ARHGAP15: variants seen among roughly 807,000 people sequenced by gnomAD.
ARHGAP15 encodes the protein rho GTPase-activating protein 15.
A neutral mutation model predicts 63.7 loss-of-function variants in ARHGAP15; 51 were observed. That is an observed-to-expected ratio of 0.80 (90% CI 0.64 to 1.01). The LOEUF (loss-of-function observed/expected upper bound fraction) is 1.01, where lower values mean the gene tolerates loss of function less well. ARHGAP15 is among the 50% of genes least tolerant of loss of function. The pLI is 0.00. For missense variants in ARHGAP15, 560 were observed against 564.6 expected (o/e 0.99, Z 0.08); for synonymous variants, 191 against 193.8 (o/e 0.99, Z 0.12).
chr2:143,673,220 A>G lies in ARHGAP15; in HGVS notation c.1139-30199A>G, dbSNP rs1574819006. On this transcript the variant is annotated intron_variant, in intron 12 of 13. Transcript: ENST00000295095. ...AAGGTAATATTCAATTCTATATAGC[A>G]TCTAGAAAACAAACAGAGTGTAGAC... 2.0e-5 allele frequency among the ~76,000 whole-genome samples: 3 copies of G among 152,336 alleles called. No individual in the cohort carries two copies. The Middle Eastern group carries it at 0.01, about 518-fold the overall frequency.
chr2:143,602,428 T>A (rs983004296), intron 11 of ARHGAP15, among the ~76,000 whole-genome samples: 1 of 152,154 alleles, frequency 6.6e-6, no homozygotes, highest in East Asian at 1.9e-4. Flanking sequence ...AAAGGATGGC[T>A]CCCTGGGAAA....
intron 6 of ARHGAP15, among the ~76,000 whole-genome samples, chr2:143,432,978 T>G (rs146208279): frequency 6.6e-6 from 1 of 152,012 alleles, no homozygotes; most frequent in Non-Finnish European, 1.5e-5. Context: ...ATAGAAAGAG[T>G]ACATTAGCAC....
intron 6 of ARHGAP15, among the ~76,000 whole-genome samples, chr2:143,393,916 T>C (rs1328281477): frequency 6.6e-6 from 1 of 152,082 alleles, no homozygotes; most frequent in African/African-American, 2.4e-5. Context: ...GCAATACTTC[T>C]CAGTAAACAT....
chr2:143,238,839 T>C (rs777473440), intron 5 of ARHGAP15, among the ~76,000 whole-genome samples: 2 of 152,172 alleles, frequency 1.3e-5, no homozygotes, highest in South Asian at 2.1e-4. Flanking sequence ...GTGGTACATA[T>C]AGACCATGGA....
At chr2:143,570,006 T>C (rs549342358) in intron 11 of ARHGAP15, among the ~76,000 whole-genome samples, 1 of 152,264 alleles carries the variant, frequency 6.6e-6, no homozygotes, top group East Asian at 1.9e-4. Context: ...GCCCAAGTCA[T>C]TTAACCTCCC....
intron 6 of ARHGAP15, among the ~76,000 whole-genome samples, chr2:143,309,488 A>G (rs929223694): frequency 3.9e-5 from 6 of 152,106 alleles, no homozygotes; most frequent in Non-Finnish European, 8.8e-5. Context: ...ACTGATGTCA[A>G]TGCCCACAAC....
At chr2:143,327,850 C>T (rs1214350417) in intron 6 of ARHGAP15, among the ~76,000 whole-genome samples, 2 of 151,876 alleles carry the variant, frequency 1.3e-5, no homozygotes, top group African/African-American at 4.8e-5. Context: ...TGCAATCTAT[C>T]CATCTGACAA....
At chr2:143,379,170 T>C (rs572553000) in intron 6 of ARHGAP15, among the ~76,000 whole-genome samples, 2 of 152,018 alleles carry the variant, frequency 1.3e-5, no homozygotes, top group African/African-American at 4.8e-5. Flanking sequence ...ATGCCTTCCA[T>C]GTACATGACT....
intron 6 of ARHGAP15, among the ~76,000 whole-genome samples, chr2:143,288,818 C>T (rs887248768): frequency 1.3e-5 from 2 of 151,942 alleles, no homozygotes; most frequent in Admixed American, 1.3e-4. Context: ...ATACATATTT[C>T]ACCCAGTAGC....
chr2:143,624,217 C>G lies in ARHGAP15; in HGVS notation c.1088C>G (p.Pro363Arg). 6.2e-7 allele frequency: 1 copy of G among 1,613,342 alleles called. No homozygotes were observed. The highest frequency in any genetic ancestry group is 8.5e-7 in the Non-Finnish European group (1 of 1,179,630). The stretch of plus-strand genomic sequence containing the variant: ...CTGAAGATGTTTTTCCGGGAGCTGC[C>G]TGAGCCGCTCTTCCCTTACAGTTTC... The part of the protein sequence containing the change: ...GALKMFFREL[P>R]EPLFPYSFFE... Residue 363 changes from proline to arginine, a missense_variant, in exon 12 of 14, where the codon CCT becomes CGT. Coordinates refer to ENST00000295095, the MANE Select transcript of ARHGAP15 (RefSeq NM_018460.4).
chr2:143,193,267 C>T (rs1196960965), intron 2 of ARHGAP15: 1 of 152,686 alleles, frequency 6.5e-6, no homozygotes, highest in Admixed American at 6.5e-5. Flanking sequence ...ATCCAGCCAA[C>T]TTGTGAGTGG....
intron 6 of ARHGAP15, among the ~76,000 whole-genome samples, chr2:143,367,748 G>A (rs2105349757): frequency 6.6e-6 from 1 of 151,810 alleles, no homozygotes; most frequent in African/African-American, 2.4e-5. Flanking sequence ...GTTATTAGGA[G>A]GGTTTATAAA....
chr2:143,133,697 C>T (rs2104978768), intron 1 of ARHGAP15, among the ~76,000 whole-genome samples: 1 of 152,110 alleles, frequency 6.6e-6, no homozygotes, highest in South Asian at 2.1e-4. Flanking sequence ...GGTTCAAAAT[C>T]AATATAAAAC....
intron 12 of ARHGAP15, among the ~76,000 whole-genome samples, chr2:143,689,314 C>A (rs1683488768): frequency 6.6e-6 from 1 of 152,084 alleles, no homozygotes; most frequent in Non-Finnish European, 1.5e-5. Context: ...CTTCCCTGTC[C>A]TCTCCTATGG....
intron 1 of ARHGAP15, among the ~76,000 whole-genome samples, chr2:143,154,190 T>C (rs1689989581): frequency 6.6e-6 from 1 of 151,866 alleles, no homozygotes; most frequent in African/African-American, 2.4e-5. Flanking sequence ...GGCTATTTTA[T>C]AGGAGTTTTT....
intron 6 of ARHGAP15, among the ~76,000 whole-genome samples, chr2:143,276,117 G>A (rs1362495727): frequency 6.6e-6 from 1 of 152,234 alleles, no homozygotes; most frequent in Non-Finnish European, 1.5e-5. Flanking sequence ...AGAGACTGGT[G>A]TGAAAATTAA....
intron 5 of ARHGAP15, chr2:143,238,309 T>C (rs1693732394): frequency 6.6e-6 from 1 of 152,172 alleles, no homozygotes; most frequent in African/African-American, 2.4e-5. Flanking sequence ...GACAAAATTC[T>C]AATATCCAGA....
At chr2:143,323,015 T>C (rs1177492988) in intron 6 of ARHGAP15, among the ~76,000 whole-genome samples, 1 of 152,262 alleles carries the variant, frequency 6.6e-6, no homozygotes, top group African/African-American at 2.4e-5. Flanking sequence ...TAAAAGCTTG[T>C]ATCCATCTGT....
At chr2:143,195,531 G>C (rs1027644166) in intron 2 of ARHGAP15, among the ~76,000 whole-genome samples, 1 of 152,092 alleles carries the variant, frequency 6.6e-6, no homozygotes, top group Non-Finnish European at 1.5e-5. Flanking sequence ...ATTCCTGATT[G>C]TAATAGCTTT....
Sources: gnomAD v4.1 joint callset for allele counts (sites outside exome capture counted in the v4.1 genomes callset) on GRCh38, gnomAD v4.1.1 for gene constraint, MANE v1.5 for transcripts, NCBI Gene and HGNC (gene_info 2026-07-23, HGNC 2026-07-21) for gene names.